Variants in CREBRF observed in about 807,000 individuals in gnomAD.
CREBRF encodes the protein CREB3 regulatory factor.
In CREBRF, 5 loss-of-function variants were observed where a neutral mutation model predicts 66.1. The observed-to-expected ratio is 0.08, with a 90% CI of 0.04 to 0.16. The LOEUF (loss-of-function observed/expected upper bound fraction) is 0.16. Among genes scored for constraint, CREBRF ranks in the 10% least tolerant of loss-of-function variants. The pLI is 1.00. For synonymous variants in CREBRF, 229 were observed against 264.4 expected, an observed-to-expected ratio of 0.87 and a Z score of 1.30; for missense variants, 531 against 744.9, an observed-to-expected ratio of 0.71 and a Z score of 3.34.
At chr5:173,062,104 C>CA (rs1287237528) in intron 1 of CREBRF, among the ~76,000 whole-genome samples, 12 of 152,252 alleles carry the variant, frequency 7.9e-5, no homozygotes, top group African/African-American at 2.9e-4. Context: ...TTTTCCATCT[C>CA]ACAAGGGGAT....
intron 8 of CREBRF, 133 bp downstream of exon 8, chr5:173,123,335 G>A: frequency 1.3e-6 from 1 of 761,712 alleles, no homozygotes; most frequent in Non-Finnish European, 2.0e-6. Context: ...TCCTTTATGA[G>A]TAGTTTTATC....
chr5:173,081,309 A>G (rs1757932988), intron 2 of CREBRF, among the ~76,000 whole-genome samples: 2 of 152,184 alleles, frequency 1.3e-5, no homozygotes, highest in South Asian at 4.1e-4. Context: ...TGTTTATATT[A>G]TGGCAGCTAC....
chr5:173,078,927 A>C (rs535164420), intron 1 of CREBRF, among the ~76,000 whole-genome samples: 1 of 152,234 alleles, frequency 6.6e-6, no homozygotes, highest in Non-Finnish European at 1.5e-5. Context: ...CACTTTATTG[A>C]ACACATGACT....
chr5:173,088,301 C>T (rs1758226660), intron 3 of CREBRF, among the ~76,000 whole-genome samples: 2 of 86,572 alleles, frequency 2.3e-5, no homozygotes, highest in Non-Finnish European at 4.1e-5. Context: ...GAGTTTCGCT[C>T]CTGTTGCCCA....
intron 8 of CREBRF, among the ~76,000 whole-genome samples, chr5:173,129,738 AT>A (rs1238524328): frequency 1.3e-5 from 2 of 149,412 alleles, no homozygotes; most frequent in African/African-American, 2.5e-5. Flanking sequence ...AAAAAAAAAA[AT>A]ACACACACAC....
chr5:173,096,135 A>AT (rs767471517), intron 4 of CREBRF, among the ~76,000 whole-genome samples: 102 of 151,840 alleles, frequency 6.7e-4, no homozygotes, highest in South Asian at 1.5e-3. Flanking sequence ...AACCCGGCTA[A>AT]TTTTTTTGTA....
At chr5:173,064,499 T>G (rs1757374161) in intron 1 of CREBRF, among the ~76,000 whole-genome samples, 1 of 151,428 alleles carries the variant, frequency 6.6e-6, no homozygotes, top group South Asian at 2.1e-4. Context: ...TCCTCCTGCC[T>G]CAGCCTCCTG....
rs563434295 is a variant in CREBRF, at chr5:173,117,672, T to C, written c.1681+5293T>C. Among the ~76,000 whole-genome samples the C allele has an allele frequency of 1.1e-3, 135 of 124,484 alleles. 1 individual carries two copies. The highest frequency in any genetic ancestry group is 3.9e-3 in the African/African-American group (131 of 34,008). The allele number at this position is 124,484 out of a possible 152,430, so 81.7% of individuals were successfully genotyped here. ...TCTCTCTCTCTCTCTCTCTTTCTTT[T>C]TCTCTCTCTCTCTCTCTCCTCCTCT... On this transcript the variant is annotated intron_variant, in intron 7 of 8. Coordinates refer to ENST00000296953, the MANE Select transcript of CREBRF (RefSeq NM_153607.3).
At chr5:173,086,142 T>C (rs1382364409) in intron 2 of CREBRF, 1 of 787,104 alleles carries the variant, frequency 1.3e-6, no homozygotes, top group Admixed American at 1.7e-5. Flanking sequence ...GTTTGTCGTG[T>C]AGGATATCAG....
At chr5:173,062,477 TC>T (rs1256229614) in intron 1 of CREBRF, among the ~76,000 whole-genome samples, 1 of 152,226 alleles carries the variant, frequency 6.6e-6, no homozygotes, top group Admixed American at 6.5e-5. Context: ...CTAAAATTGA[TC>T]CGTTCTTTTA....
At chr5:173,066,106 C>T (rs1234810731) in intron 1 of CREBRF, among the ~76,000 whole-genome samples, 1 of 152,124 alleles carries the variant, frequency 6.6e-6, no homozygotes, top group African/African-American at 2.4e-5. Flanking sequence ...TGTGCCACCT[C>T]TCATTATCTT....
intron 4 of CREBRF, 149 bp from the exon 5 acceptor site, chr5:173,108,475 A>G (rs992091014): frequency 6.1e-6 from 4 of 653,930 alleles, no homozygotes; most frequent in African/African-American, 3.7e-5. Context: ...AAGTTCTCTT[A>G]TAGACCTGGT....
intron 4 of CREBRF, among the ~76,000 whole-genome samples, chr5:173,100,118 G>GTTTA (rs70984939): frequency 1.1e-5 from 1 of 88,332 alleles, no homozygotes; most frequent in Non-Finnish European, 2.1e-5. Flanking sequence ...GTGTGTGTGT[G>GTTTA]TATATATATA....
At chr5:173,101,102 C>T (rs543404426) in intron 4 of CREBRF, among the ~76,000 whole-genome samples, 1 of 152,212 alleles carries the variant, frequency 6.6e-6, no homozygotes, top group East Asian at 1.9e-4. Context: ...TTAACTCTTG[C>T]TCAGGCTAGA....
At position 173,136,405 on chromosome 5, in the gene CREBRF, A is replaced by T. The variant is rs1376051045; in HGVS notation, c.*2660A>T. On this transcript the variant is annotated 3_prime_UTR_variant, in exon 9 of 9. Transcript: ENST00000296953. ...GTATATCTTAGAAAAGCACTTTGTTAAAAAAAAATTGCATTTTATATGATT... is the reference window on the plus strand; with the variant it reads ...GTATATCTTAGAAAAGCACTTTGTTTAAAAAAAATTGCATTTTATATGATT... 1 of 146,442 alleles carries T rather than the reference A, an allele frequency of 6.8e-6. No individual in the cohort carries two copies. The highest frequency in any genetic ancestry group is 2.0e-4 in the East Asian group (1 of 5,106). The allele number at this position is 146,442 out of a possible 1,614,324, so 9.1% of individuals were successfully genotyped here. A position where few individuals can be genotyped will look rare whatever the true frequency, so the allele number is the denominator to read the frequency against.
chr5:173,120,946 GCC>G (rs1343329079), intron 7 of CREBRF, among the ~76,000 whole-genome samples: 1 of 152,090 alleles, frequency 6.6e-6, no homozygotes, highest in Non-Finnish European at 1.5e-5. Flanking sequence ...ACCCGCCTCA[GCC>G]TCCCAAAGTA....
At chr5:173,123,526 T>C (rs978449614) in intron 8 of CREBRF, 27 of 246,596 alleles carry the variant, frequency 1.1e-4, no homozygotes, top group Non-Finnish European at 2.1e-4. Context: ...GTAGAGATTC[T>C]TACTTGTTTT....
chr5:173,091,674 C>T (rs1561805058), intron 4 of CREBRF: 1 of 1,118,488 alleles, frequency 8.9e-7, no homozygotes, highest in East Asian at 5.2e-5. Context: ...GAGATGAGAG[C>T]TTGCCACTGT....
rs951399644 is a variant in CREBRF at position 173,136,855 on chromosome 5, A to C, written c.*3110A>C. ...CATGGTATACAGATAGCTCATAATGAAGTCCAGAATCTTACTTTTAAGTGA... is the reference window on the plus strand; with the variant it reads ...CATGGTATACAGATAGCTCATAATGCAGTCCAGAATCTTACTTTTAAGTGA... On this transcript the variant is annotated 3_prime_UTR_variant, in exon 9 of 9. Coordinates refer to ENST00000296953, the MANE Select transcript of CREBRF (RefSeq NM_153607.3). The C allele has an allele frequency of 6.6e-6, 1 of 152,360 alleles. No individual in the cohort carries two copies. The highest frequency in any genetic ancestry group is 2.4e-5 in the African/African-American group (1 of 41,400). The allele number at this position is 152,360 out of a possible 1,614,324, so 9.4% of individuals were successfully genotyped here. A position where few individuals can be genotyped will look rare whatever the true frequency, so the allele number is the denominator to read the frequency against.
Sources: gnomAD v4.1 joint callset for allele counts (sites outside exome capture counted in the v4.1 genomes callset) on GRCh38, gnomAD v4.1.1 for gene constraint, MANE v1.5 for transcripts, NCBI Gene and HGNC (gene_info 2026-07-23, HGNC 2026-07-21) for gene names.